The following ZFPM2 variants were observed in gnomAD, a reference collection of about 807,000 sequenced individuals.
The protein encoded by ZFPM2 is zinc finger protein ZFPM2.
Under a neutral mutation model 98.6 loss-of-function variants are expected in ZFPM2, and 20 were observed. That is an observed-to-expected ratio of 0.20 (90% CI 0.14 to 0.29). ZFPM2 has a LOEUF of 0.29. Among genes scored for constraint, ZFPM2 ranks in the 10% least tolerant of loss-of-function variants. The pLI is 1.00. For missense variants in ZFPM2, 1,310 were observed against 1,388.6 expected, an observed-to-expected ratio of 0.94 and a Z score of 0.90; for synonymous variants, 518 against 502.7, an observed-to-expected ratio of 1.03 and a Z score of -0.41.
In ZFPM2 at chr8:105,802,936, A is replaced by G. The variant is rs1257178970; in HGVS notation, c.2854A>G (p.Ile952Val). ...GGTCTTTAGTGAAGCTGCTCAGCTC[A>G]TTGCTACAAAAGAAGAAAACAGACA... ...LKVFSEAAQLIATKEENRHLF... is the reference protein window; with the variant it reads ...LKVFSEAAQLVATKEENRHLF... Residue 952 changes from isoleucine (I) to valine (V), a missense_variant, in exon 8 of 8, where the codon ATT becomes GTT. Coordinates refer to ENST00000407775, the MANE Select transcript of ZFPM2 (RefSeq NM_012082.4). The G allele has an allele frequency of 9.3e-6, 15 of 1,613,102 alleles. No individual in the cohort carries two copies. The highest frequency in any genetic ancestry group is 1.1e-5 in the Non-Finnish European group (13 of 1,179,678).
At chr8:105,643,204 A>G (rs1203984404) in intron 5 of ZFPM2, among the ~76,000 whole-genome samples, 1 of 152,186 alleles carries the variant, frequency 6.6e-6, no homozygotes, top group African/African-American at 2.4e-5. Context: ...TAATGGTGTT[A>G]CACACCTCTA....
intron 1 of ZFPM2, among the ~76,000 whole-genome samples, chr8:105,363,107 T>G (rs1810439308): frequency 6.6e-6 from 1 of 152,182 alleles, no homozygotes; most frequent in South Asian, 2.1e-4. Flanking sequence ...TCAAGGACTT[T>G]GCACAAATCG....
chr8:105,389,013 CGTGTGTGTGTGTGTGTGTGTGTGTGTGT>C (rs142145699), intron 1 of ZFPM2, among the ~76,000 whole-genome samples: 1 of 134,826 alleles, frequency 7.4e-6, no homozygotes, highest in Non-Finnish European at 1.6e-5. Flanking sequence ...AATTTGATGA[CGTGTGTGTGTGTGTGTGTGTGTGTGTGT>C]GTGTGTGTGT....
intron 4 of ZFPM2, among the ~76,000 whole-genome samples, chr8:105,625,934 TTTG>T (rs1252369248): frequency 1.3e-5 from 2 of 151,038 alleles, no homozygotes; most frequent in African/African-American, 4.9e-5. Flanking sequence ...ATGGAATGAT[TTTG>T]TTTATGTAGT....
chr8:105,771,312 G>A (rs10094896), intron 5 of ZFPM2, among the ~76,000 whole-genome samples: 41,649 of 151,838 alleles, frequency 0.27, 7,361 homozygotes, highest in African/African-American at 0.49. Context: ...ACATGGACCT[G>A]TTTTACAAAA....
At chr8:105,738,880 T>TA (rs1464557298) in intron 5 of ZFPM2, among the ~76,000 whole-genome samples, 4 of 152,068 alleles carry the variant, frequency 2.6e-5, no homozygotes, top group African/African-American at 9.7e-5. Flanking sequence ...AACTAGATGC[T>TA]AAAAAAGGTC....
At chr8:105,476,437 A>C (rs1365290325) in intron 3 of ZFPM2, among the ~76,000 whole-genome samples, 1 of 152,156 alleles carries the variant, frequency 6.6e-6, no homozygotes, top group African/African-American at 2.4e-5. Flanking sequence ...TCTAAGGTGG[A>C]ATAGTTTCAT....
Position 105,803,514 on chromosome 8 carries a change from A to G in ZFPM2, c.3432A>G (p.Ser1144=), listed in dbSNP as rs774402155. The G allele has an allele frequency of 1.9e-6, 3 of 1,610,238 alleles. No homozygotes were observed. In the South Asian group the frequency reaches 3.3e-5, roughly 18 times the overall value. The change falls in exon 8 of 8, where the codon TCA becomes TCG. Residue 1144 remains serine, a synonymous_variant. Coordinates refer to ENST00000407775, the MANE Select transcript of ZFPM2 (RefSeq NM_012082.4). The stretch of plus-strand genomic sequence containing the variant: ...CTCACAAGAAGTTTTATTGCTCATC[A>G]CATGCAGCAGAACATGTCAAATGAA... ...FITHKKFYCS[S]HAAEHVK
chr8:105,362,861 A>G (rs1483227708), intron 1 of ZFPM2, among the ~76,000 whole-genome samples: 1 of 152,216 alleles, frequency 6.6e-6, no homozygotes, highest in Non-Finnish European at 1.5e-5. Flanking sequence ...AGTCACACAT[A>G]GATCAGAGGT....
intron 1 of ZFPM2, among the ~76,000 whole-genome samples, chr8:105,382,563 G>T (rs546431237): frequency 6.6e-6 from 1 of 151,956 alleles, no homozygotes; most frequent in Non-Finnish European, 1.5e-5. Flanking sequence ...TGGTATAAGC[G>T]TTTGCATATA....
At chr8:105,731,808 T>A (rs912705294) in intron 5 of ZFPM2, among the ~76,000 whole-genome samples, 6 of 151,794 alleles carry the variant, frequency 4.0e-5, no homozygotes, top group Non-Finnish European at 8.8e-5. Flanking sequence ...GACAAATCAT[T>A]TTGAAAATCA....
intron 5 of ZFPM2, among the ~76,000 whole-genome samples, chr8:105,652,456 C>T (rs1475385532): frequency 6.6e-6 from 1 of 151,082 alleles, no homozygotes; most frequent in Non-Finnish European, 1.5e-5. Flanking sequence ...CAAGAGTATT[C>T]CAATCAAGGA....
At chr8:105,529,337 T>C (rs1814244110) in intron 3 of ZFPM2, among the ~76,000 whole-genome samples, 1 of 152,102 alleles carries the variant, frequency 6.6e-6, no homozygotes, top group Non-Finnish European at 1.5e-5. Context: ...TCATATGCAT[T>C]TTTATGGGGG....
At chr8:105,739,947 C>T (rs1812174463) in intron 5 of ZFPM2, among the ~76,000 whole-genome samples, 1 of 151,872 alleles carries the variant, frequency 6.6e-6, no homozygotes. Context: ...TCCTTAAAAC[C>T]CCCCTTTTCT....
chr8:105,660,959 A>T (rs1817376837), intron 5 of ZFPM2, among the ~76,000 whole-genome samples: 1 of 152,184 alleles, frequency 6.6e-6, no homozygotes, highest in Non-Finnish European at 1.5e-5. Flanking sequence ...TGGTCTAAAG[A>T]AGCCGTCTAT....
chr8:105,800,180 T>TACC (rs897440376), intron 7 of ZFPM2, among the ~76,000 whole-genome samples: 3 of 152,184 alleles, frequency 2.0e-5, no homozygotes, highest in African/African-American at 7.2e-5. Flanking sequence ...CAGGACTAGG[T>TACC]ACCTCTGCCA....
intron 1 of ZFPM2, among the ~76,000 whole-genome samples, chr8:105,384,764 A>G (rs1258167109): frequency 6.6e-6 from 1 of 152,160 alleles, no homozygotes. Flanking sequence ...AGTCCTTCCC[A>G]TTGTCAGCCA....
At chr8:105,321,545 TACCAGAA>T (rs1812025152) in intron 1 of ZFPM2, among the ~76,000 whole-genome samples, 1 of 152,192 alleles carries the variant, frequency 6.6e-6, no homozygotes, top group African/African-American at 2.4e-5. Flanking sequence ...AGTCAGCTTA[TACCAGAA>T]ACTCTGAAGA....
intron 5 of ZFPM2, among the ~76,000 whole-genome samples, chr8:105,685,297 G>T (rs1240161710): frequency 6.6e-6 from 1 of 152,028 alleles, no homozygotes; most frequent in African/African-American, 2.4e-5. Context: ...CTAACATATT[G>T]CATAGAATTT....
Sources: allele counts gnomAD v4.1 joint callset (sites outside exome capture counted in the v4.1 genomes callset), GRCh38; gene constraint gnomAD v4.1.1; transcripts MANE v1.5; gene names NCBI Gene and HGNC (gene_info 2026-07-23, HGNC 2026-07-21).